Variants in ADCY10 observed in about 807,000 individuals in gnomAD.
The protein encoded by ADCY10 is adenylate cyclase type 10.
Under a neutral mutation model 183.3 loss-of-function variants are expected in ADCY10, and 156 were observed. The ratio of observed to expected loss-of-function variants is 0.85; its 90% CI spans 0.75 to 0.97. The LOEUF (loss-of-function observed/expected upper bound fraction) is 0.97, where lower values mean the gene tolerates loss of function less well. ADCY10 is among the 50% of genes least tolerant of loss of function. The pLI is 0.00. For synonymous variants in ADCY10, 645 were observed against 670.0 expected (o/e 0.96, Z 0.58); for missense variants, 1,745 against 1,934.3 (o/e 0.90, Z 1.84).
In ADCY10 at chr1:167,863,412, G is replaced by A. The variant is rs533930146; in HGVS notation, c.1617-2349C>T. On this transcript the variant is annotated intron_variant, in intron 14 of 32. Transcript: ENST00000367851. ...TCAATCGATCACGACCCTCTCATGC[G>A]GACCCCCTTAGAGTTGTGAGCCCTT... is the stretch of plus-strand genomic sequence containing the variant. 1.3e-3 allele frequency among the ~76,000 whole-genome samples: 191 copies of A among 152,180 alleles called. 3 individuals are homozygous for A. Among genetic ancestry groups the A allele is most frequent in the Middle Eastern group, 3.4e-3 (1 of 292 alleles).
At chr1:167,880,436 A>G in intron 10 of ADCY10, 55 bp downstream of exon 10, 1 of 1,278,156 alleles carries the variant, frequency 7.8e-7, no homozygotes, top group Non-Finnish European at 1.1e-6. Context: ...TGCCCTCCCT[A>G]CTTATGCCTC....
rs755276817 is a variant in ADCY10 at position 167,859,857 on chromosome 1, A to C, written c.1846T>G (p.Leu616Val). 1.9e-6 allele frequency: 3 copies of C among 1,613,626 alleles called. No homozygotes were observed. The highest frequency in any genetic ancestry group is 2.5e-6 in the Non-Finnish European group (3 of 1,179,560). ...ATTTCCAATTGTTTTTGCTTTTTCA[A>C]GGTGCTCATCCTGGAAATCTCCCGA... ...ISREISRMST[L>V]KKQKQLEILF... Residue 616 changes from leucine to valine, a missense_variant, in exon 16 of 33, where the codon TTG (leucine) becomes GTG (valine). Transcript: ENST00000367851.
chr1:167,892,731 G>T (rs1484619201), intron 8 of ADCY10, among the ~76,000 whole-genome samples: 1 of 152,178 alleles, frequency 6.6e-6, no homozygotes, highest in Non-Finnish European at 1.5e-5. Context: ...CTCTATGAAG[G>T]CAGCTACCCA....
At chr1:167,833,614 G>A (rs1558161563) in intron 24 of ADCY10, among the ~76,000 whole-genome samples, 1 of 151,964 alleles carries the variant, frequency 6.6e-6, no homozygotes, top group Admixed American at 6.6e-5. Context: ...GCGTGGTGGC[G>A]CATGCCTGTA....
chr1:167,848,340 C>A (rs373465156), intron 19 of ADCY10, 21 bp downstream of exon 19: 2 of 1,607,862 alleles, frequency 1.2e-6, no homozygotes, highest in African/African-American at 1.3e-5. Flanking sequence ...TGAGCCACTG[C>A]GCCCGGCCAG....
Position 167,905,052 on chromosome 1 carries a change from G to C in ADCY10, c.89C>G (p.Ser30Cys). 1 of 1,614,214 alleles carries C rather than the reference G, an allele frequency of 6.2e-7. No homozygotes were observed. The highest frequency in any genetic ancestry group is 8.5e-7 in the Non-Finnish European group (1 of 1,180,046). Residue 30 changes from serine to cysteine, a missense_variant, in exon 2 of 33, where the codon TCC becomes TGC. Ser to Cys is a moderately radical substitution (Grantham distance 112). Coordinates refer to ENST00000367851, the MANE Select transcript of ADCY10 (RefSeq NM_018417.6). The stretch of plus-strand genomic sequence containing the variant: ...ATAATCCATAAAGGGTCGCTCTGGG[G>C]AGAAATGTCCATAGACAATGAGGTC... The part of the protein sequence containing the change: ...LPDLIVYGHF[S>C]PERPFMDYFD...
intron 19 of ADCY10, among the ~76,000 whole-genome samples, chr1:167,847,648 C>T (rs964687003): frequency 7.2e-5 from 11 of 152,110 alleles, no homozygotes; most frequent in Non-Finnish European, 1.0e-4. Context: ...TCTAGAACTT[C>T]TGACCTCAAG....
chr1:167,823,142 A>C lies in ADCY10; in HGVS notation c.4053-19T>G. ...CGGGTATCTATGGAAAAGAAAAGGT[A>C]GTGGCCATTAAAAAGTGGTGGATAT... On this transcript the variant is annotated intron_variant, in intron 28 of 32. Coordinates refer to ENST00000367851, the MANE Select transcript of ADCY10 (RefSeq NM_018417.6). 1 of 1,607,060 alleles carries C rather than the reference A, an allele frequency of 6.2e-7. No individual in the cohort carries two copies. Among genetic ancestry groups the C allele is most frequent in the South Asian group, 1.1e-5 (1 of 90,970 alleles).
intron 8 of ADCY10, 21 bp from the exon 9 acceptor site, chr1:167,883,649 T>A (rs781772495): frequency 6.2e-7 from 1 of 1,613,858 alleles, no homozygotes; most frequent in Non-Finnish European, 8.5e-7. Flanking sequence ...GAGAGCAGCT[T>A]TCTGTAGGTG....
At chr1:167,837,426 C>A in intron 21 of ADCY10, 108 bp from the exon 22 acceptor site, 1 of 927,130 alleles carries the variant, frequency 1.1e-6, no homozygotes, top group Non-Finnish European at 1.7e-6. Flanking sequence ...TGTTGCTGCC[C>A]AGCCAGAAAC....
In ADCY10 at chr1:167,878,460, G is replaced by T. The variant is rs751127549; in HGVS notation, c.1392C>A (p.Gly464=). The change falls in exon 12 of 33, where the codon GGC becomes GGA. Residue 464 remains glycine (G), a synonymous_variant. Transcript: ENST00000367851. ...TCCACACTCACACTTTCTCAGTACG[G>T]CCCCAATACTGATACAATGGTCCAG... ...ADSGPLYQYW[G]RTEKVMFGMA... 1.9e-5 allele frequency: 30 copies of T among 1,613,686 alleles called. No individual in the cohort carries two copies. The highest frequency in any genetic ancestry group is 2.5e-5 in the Non-Finnish European group (29 of 1,180,002).
chr1:167,902,517 T>C (rs529317286), intron 3 of ADCY10, among the ~76,000 whole-genome samples: 3 of 152,382 alleles, frequency 2.0e-5, no homozygotes, highest in Admixed American at 6.5e-5. Flanking sequence ...TTACCAACTT[T>C]GTATTTTGTT....
Position 167,828,739 on chromosome 1 carries a change from A to G in ADCY10, c.3750+528T>C, listed in dbSNP as rs141273815. 7.9e-4 allele frequency among the ~76,000 whole-genome samples: 121 copies of G among 152,342 alleles called. 1 individual carries two copies. Among genetic ancestry groups the G allele is most frequent in the African/African-American group, 2.7e-3 (113 of 41,574 alleles). On this transcript the variant is annotated intron_variant, in intron 26 of 32. Transcript: ENST00000367851. ...CACTTTGGAAGGCCAGTGTGGGCAG[A>G]TCACTTGAGGTCAGGAGTTCAAGAC... is the stretch of plus-strand genomic sequence containing the variant.
At chr1:167,845,446 T>G in intron 21 of ADCY10, 117 bp downstream of exon 21, 1 of 1,070,060 alleles carries the variant, frequency 9.3e-7, no homozygotes, top group Admixed American at 2.1e-5. Flanking sequence ...CATCATTCTT[T>G]GTGCCCAAGC....
chr1:167,827,593 G>T (rs1317451906), intron 26 of ADCY10, among the ~76,000 whole-genome samples: 1 of 152,006 alleles, frequency 6.6e-6, no homozygotes, highest in Non-Finnish European at 1.5e-5. Context: ...CTTTGGTTAT[G>T]ACCTAGACTA....
chr1:167,855,709 G>A (rs980841589), intron 17 of ADCY10, among the ~76,000 whole-genome samples: 1 of 152,100 alleles, frequency 6.6e-6, no homozygotes, highest in Non-Finnish European at 1.5e-5. Context: ...ATTATGAATG[G>A]CTCCTTCAAA....
In ADCY10 at chr1:167,885,140, T is replaced by TA. The variant is rs549364929; in HGVS notation, c.829-1513dup. On this transcript the variant is annotated intron_variant, in intron 8 of 32. Transcript: ENST00000367851. ...AGATCTCATTTTTTTTATGGCTGAA[T>TA]AGTACTTCGTTGTGTATATGTACCA... Among the ~76,000 whole-genome samples, 126 of 152,352 alleles carry TA rather than the reference T, an allele frequency of 8.3e-4. 1 individual carries two copies. The South Asian group carries it at 0.024, about 29-fold the overall frequency.
At position 167,840,919 on chromosome 1, in the gene ADCY10, T is replaced by C. The variant is rs1664580208; in HGVS notation, c.3008-3601A>G. Reference sequence around the variant, plus strand: ...CTCCCCAGGTTCAGGACATTTTACCTAACTAAATGAGAATAAAATGATTTT... The same window carrying C: ...CTCCCCAGGTTCAGGACATTTTACCCAACTAAATGAGAATAAAATGATTTT... On this transcript the variant is annotated intron_variant, in intron 21 of 32. Coordinates refer to ENST00000367851, the MANE Select transcript of ADCY10 (RefSeq NM_018417.6). Among the ~76,000 whole-genome samples, 4 of 150,804 alleles carry C rather than the reference T, an allele frequency of 2.7e-5. 1 individual carries two copies. Among genetic ancestry groups the C allele is most frequent in the South Asian group, 4.2e-4 (2 of 4,782 alleles).
At chr1:167,888,427 T>A (rs1668372411) in intron 8 of ADCY10, among the ~76,000 whole-genome samples, 1 of 152,160 alleles carries the variant, frequency 6.6e-6, no homozygotes. Flanking sequence ...TTTTGTGGCC[T>A]CTTCAACTTC....
Sources: allele counts gnomAD v4.1 joint callset (sites outside exome capture counted in the v4.1 genomes callset), GRCh38; gene constraint gnomAD v4.1.1; transcripts MANE v1.5; gene names NCBI Gene and HGNC (gene_info 2026-07-23, HGNC 2026-07-21).